Variants in TOR1AIP2 observed in about 807,000 individuals in gnomAD.
TOR1AIP2 encodes torsin-1A-interacting protein 2.
In TOR1AIP2, 20 loss-of-function variants were observed where a neutral mutation model predicts 32.6. That is an observed-to-expected ratio of 0.61 (90% CI 0.43 to 0.89). The LOEUF is 0.89. Among genes scored for constraint, TOR1AIP2 ranks in the 40% least tolerant of loss-of-function variants. The pLI is 0.00. For synonymous variants in TOR1AIP2, 214 were observed against 210.8 expected (o/e 1.02, Z -0.13); for missense variants, 456 against 553.8 (o/e 0.82, Z 1.77).
At chr1:179,876,818 T>C (rs749294916) in intron 2 of TOR1AIP2, among the ~76,000 whole-genome samples, 9 of 152,150 alleles carry the variant, frequency 5.9e-5, no homozygotes, top group Non-Finnish European at 1.0e-4. Context: ...GTCTGATAAT[T>C]AAGCATTACT....
chr1:179,861,712 G>A, intron 3 of TOR1AIP2: 1 of 985,264 alleles, frequency 1.0e-6, no homozygotes, highest in Non-Finnish European at 1.2e-6. Context: ...CCAAATAAAT[G>A]GTACTATCTT....
At chr1:179,876,762 T>C (rs1220640067) in intron 2 of TOR1AIP2, among the ~76,000 whole-genome samples, 9 of 152,184 alleles carry the variant, frequency 5.9e-5, no homozygotes, top group African/African-American at 2.2e-4. Flanking sequence ...AAAGCCAGTA[T>C]GTTTAATCTA....
In TOR1AIP2 at chr1:179,846,698, C is replaced by T; in HGVS notation, c.786G>A (p.Leu262=). The change falls in exon 7 of 7, where the codon TTG becomes TTA. Residue 262 remains leucine (L), a synonymous_variant. Coordinates refer to ENST00000609928, the MANE Select transcript of TOR1AIP2 (RefSeq NM_001199260.2). ...AACTCTGGCCTGGAAATTTATCTTC[C>T]AATTGGCTAAACTGGGCCAAAAAGG... ...LEAFLAQFSQ[L]EDKFPGQSSF... is the part of the protein sequence containing the mutation. The T allele has an allele frequency of 2.5e-6, 4 of 1,614,132 alleles. No individual in the cohort carries two copies. The highest frequency in any genetic ancestry group is 1.6e-4 in the Middle Eastern group (1 of 6,062).
rs1695797588 is a variant in TOR1AIP2, at chr1:179,843,639, C to G, written c.*2432G>C. The G allele has an allele frequency of 1.3e-5, 2 of 151,188 alleles. No individual in the cohort carries two copies. Among genetic ancestry groups the G allele is most frequent in the Non-Finnish European group, 2.9e-5 (2 of 68,092 alleles). 9.4% of individuals were successfully genotyped at this position (151,188 alleles called of 1,614,324 possible). On this transcript the variant is annotated 3_prime_UTR_variant, in exon 7 of 7. Transcript: ENST00000609928. The stretch of plus-strand genomic sequence containing the variant: ...GAGTTCAAGACCAGCCTAGGCAACA[C>G]AGTAAGACCCTGTCTCTATACAAAA...
chr1:179,842,662 CA>C lies in TOR1AIP2; in HGVS notation c.*3408del, dbSNP rs1170487355. 6.6e-6 allele frequency: 1 copy of C among 152,154 alleles called. No homozygotes were observed. The highest frequency in any genetic ancestry group is 1.9e-4 in the East Asian group (1 of 5,194). 9.4% of individuals were successfully genotyped at this position (152,154 alleles called of 1,614,324 possible). A position where few individuals can be genotyped will look rare whatever the true frequency, so the allele number is the denominator to read the frequency against. ...TACCACATACAATATTGTATGCCCA[CA>C]AATCATTTTTCTAAGTCAAATAAGC... On this transcript the variant is annotated 3_prime_UTR_variant, in exon 7 of 7. Coordinates refer to ENST00000609928, the MANE Select transcript of TOR1AIP2 (RefSeq NM_001199260.2).
At position 179,858,454 on chromosome 1, in the gene TOR1AIP2, G is replaced by A. The variant is rs147213054; in HGVS notation, c.-146-5643C>T. 3.9e-3 allele frequency among the ~76,000 whole-genome samples: 586 copies of A among 152,068 alleles called. 4 individuals carry two copies. The highest frequency in any genetic ancestry group is 6.9e-3 in the Non-Finnish European group (470 of 67,996). ...CCTTAAAAAAATAAAAACATCTGAG[G>A]TAAATGGGATAAAATGTTCATATAT... On this transcript the variant is annotated intron_variant, in intron 3 of 6. Transcript: ENST00000609928.
chr1:179,851,104 T>A lies in TOR1AIP2; in HGVS notation c.294A>T (p.Gly98=), dbSNP rs763334353. ...DENKQSFLDG[G]KGHHLPSENL... is the part of the protein sequence containing the mutation. ...TTTCTGAAGGGAGGTGATGCCCTTT[T>A]CCGCCATCCAGAAAACTCTGCTTGT... Residue 98 remains glycine, a synonymous_variant, in exon 5 of 7, where the codon GGA becomes GGT. Coordinates refer to ENST00000609928, the MANE Select transcript of TOR1AIP2 (RefSeq NM_001199260.2). 3 of 1,614,232 alleles carry A rather than the reference T, an allele frequency of 1.9e-6. No homozygotes were observed. The highest frequency in any genetic ancestry group is 1.1e-5 in the South Asian group (1 of 91,090).
rs765407604 is a variant in TOR1AIP2, at chr1:179,846,718, AAAAGGCC to A, written c.759_765del (p.Glu253AspfsTer54). ...TCTTCCAATTGGCTAAACTGGGCCA[AAAAGGCC>A]TCCAAAGCTGGATTTTTGGGCACTT... On this transcript the variant is annotated frameshift_variant, in exon 7 of 7. Transcript: ENST00000609928. LOFTEE classifies it high-confidence loss of function. The A allele has an allele frequency of 1.9e-6, 3 of 1,614,132 alleles. No individual in the cohort carries two copies. The East Asian group carries it at 6.7e-5, about 36-fold the overall frequency.
At chr1:179,849,432 T>C (rs1207052025) in intron 5 of TOR1AIP2, among the ~76,000 whole-genome samples, 1 of 152,100 alleles carries the variant, frequency 6.6e-6, no homozygotes, top group Admixed American at 6.5e-5. Flanking sequence ...TTTTGCCATG[T>C]TGCCCAGGCT....
intron 5 of TOR1AIP2, among the ~76,000 whole-genome samples, chr1:179,849,614 T>C (rs1558010604): frequency 6.6e-6 from 1 of 151,814 alleles, no homozygotes; most frequent in South Asian, 2.1e-4. Context: ...TCTCACTAGA[T>C]TGCCCAGGCT....
intron 3 of TOR1AIP2, among the ~76,000 whole-genome samples, chr1:179,857,915 A>G (rs1181835080): frequency 6.6e-6 from 1 of 152,190 alleles, no homozygotes; most frequent in African/African-American, 2.4e-5. Context: ...ACACTTCGAG[A>G]GGCCAAGGCA....
chr1:179,867,851 CAT>C (rs1213381999), intron 2 of TOR1AIP2: 4 of 152,174 alleles, frequency 2.6e-5, no homozygotes, highest in African/African-American at 7.2e-5. Context: ...TCCACCGTTC[CAT>C]ATGTTTCAGA....
intron 3 of TOR1AIP2, among the ~76,000 whole-genome samples, chr1:179,853,314 A>G (rs1033838361): frequency 6.6e-6 from 1 of 152,228 alleles, no homozygotes; most frequent in Non-Finnish European, 1.5e-5. Context: ...ATTTGGACTG[A>G]CTTTGAAGTG....
chr1:179,849,437 C>G (rs181721441), intron 5 of TOR1AIP2, among the ~76,000 whole-genome samples: 8 of 152,120 alleles, frequency 5.3e-5, no homozygotes, highest in African/African-American at 1.9e-4. Flanking sequence ...CCATGTTGCC[C>G]AGGCTGGTCT....
rs1346985070 is a variant in TOR1AIP2 at position 179,850,935 on chromosome 1, T to C, written c.463A>G (p.Thr155Ala). 3.7e-6 allele frequency: 6 copies of C among 1,614,094 alleles called. No individual in the cohort carries two copies. The Admixed American group carries it at 8.3e-5, about 22-fold the overall frequency. Residue 155 changes from threonine (T) to alanine (A), a missense_variant, in exon 5 of 7, where the codon ACT becomes GCT. Transcript: ENST00000609928. ...DGTGASQEPP[T>A]TDSQEAQSPG... ...CTCTGGGCCTCCTGGGAGTCTGTAG[T>C]AGGTGGTTCCTGAGATGCTCCAGTT...
chr1:179,858,942 G>A (rs1696409613), intron 3 of TOR1AIP2: 1 of 821,058 alleles, frequency 1.2e-6, no homozygotes, highest in African/African-American at 1.8e-5. Flanking sequence ...TAGAAGTTTA[G>A]CAGCCAAGAA....
chr1:179,846,854 G>C (rs1013531976), intron 6 of TOR1AIP2, 26 bp from the exon 7 acceptor site: 49 of 1,554,114 alleles, frequency 3.2e-5, no homozygotes, highest in Admixed American at 3.9e-5. Context: ...AAAAGGAATA[G>C]AAAATTACAG....
chr1:179,872,952 A>G (rs557202747), intron 2 of TOR1AIP2, among the ~76,000 whole-genome samples: 1 of 152,360 alleles, frequency 6.6e-6, no homozygotes, highest in Admixed American at 6.5e-5. Context: ...GTTCCATTAT[A>G]TCCTTCATCT....
intron 3 of TOR1AIP2, chr1:179,865,012 A>T (rs1696709899): frequency 6.2e-7 from 1 of 1,614,062 alleles, no homozygotes; most frequent in African/African-American, 1.3e-5. Flanking sequence ...TAGCAGGATT[A>T]TCAGGATAAC....
Sources: allele counts gnomAD v4.1 joint callset (sites outside exome capture counted in the v4.1 genomes callset), GRCh38; gene constraint gnomAD v4.1.1; transcripts MANE v1.5; gene names NCBI Gene and HGNC (gene_info 2026-07-23, HGNC 2026-07-21).